Variants in NUB1 observed in about 807,000 individuals in gnomAD.
NUB1 encodes the protein negative regulator of ubiquitin like proteins 1.
A neutral mutation model predicts 77.1 loss-of-function variants in NUB1; 41 were observed. The observed-to-expected ratio is 0.53, with a 90% CI of 0.41 to 0.69. The LOEUF (loss-of-function observed/expected upper bound fraction) is 0.69, where lower values mean the gene tolerates loss of function less well. NUB1 is among the 30% of genes least tolerant of loss of function. The pLI is 0.00. For missense variants in NUB1, 643 were observed against 743.8 expected (o/e 0.86, Z 1.58); for synonymous variants, 257 against 281.0 (o/e 0.91, Z 0.85).
intron 7 of NUB1, among the ~76,000 whole-genome samples, chr7:151,358,431 C>T (rs970017245): frequency 6.6e-6 from 1 of 152,052 alleles, no homozygotes; most frequent in Non-Finnish European, 1.5e-5. Flanking sequence ...GGCCACATAG[C>T]AGGTGAGCAG....
chr7:151,349,427 G>A (rs1796682183), intron 3 of NUB1, among the ~76,000 whole-genome samples, 187 bp downstream of exon 3: 1 of 152,210 alleles, frequency 6.6e-6, no homozygotes, highest in Non-Finnish European at 1.5e-5. Flanking sequence ...CCCAAGGTAG[G>A]CTTTTAGAGA....
Position 151,375,831 on chromosome 7 carries a change from G to T in NUB1, c.1396-17G>T, listed in dbSNP as rs1798192177. The T allele has an allele frequency of 6.5e-7, 1 of 1,542,188 alleles. No homozygotes were observed. The highest frequency in any genetic ancestry group is 1.4e-5 in the African/African-American group (1 of 73,578). On this transcript the variant is annotated splice_polypyrimidine_tract_variant and intron_variant, in intron 12 of 14. Transcript: ENST00000568733. ...GAGTTCTTAGTGATGGGTAAAGGGT[G>T]TTCCTGTGTGTTTTAGATTCTGCTC... is the stretch of plus-strand genomic sequence containing the variant.
At chr7:151,353,700 G>A (rs1263948536) in intron 5 of NUB1, among the ~76,000 whole-genome samples, 1 of 152,184 alleles carries the variant, frequency 6.6e-6, no homozygotes, top group African/African-American at 2.4e-5. Flanking sequence ...TTTGAAGGTG[G>A]CATGAGTTGA....
intron 8 of NUB1, among the ~76,000 whole-genome samples, chr7:151,362,110 T>A (rs1226761123): frequency 6.6e-6 from 1 of 152,194 alleles, no homozygotes; most frequent in Admixed American, 6.5e-5. Context: ...CTTGAAATAA[T>A]TTTTAGGTCT....
chr7:151,376,961 GCA>G, intron 14 of NUB1, 84 bp from the exon 15 acceptor site: 1 of 1,406,736 alleles, frequency 7.1e-7, no homozygotes, highest in Non-Finnish European at 9.5e-7. Context: ...CCAGCAAGAG[GCA>G]CAGTCTGAGG....
Position 151,355,750 on chromosome 7 carries a change from C to A in NUB1, c.416-18C>A, listed in dbSNP as rs1466042776. The A allele has an allele frequency of 6.4e-7, 1 of 1,555,026 alleles. No homozygotes were observed. The highest frequency in any genetic ancestry group is 8.7e-7 in the Non-Finnish European group (1 of 1,151,062). Reference sequence around the variant, plus strand: ...CTTAATGGCTTTTTAAAATAATAGGCAGTTCTGATTTTTATAGGGAAAACC... The same window carrying A: ...CTTAATGGCTTTTTAAAATAATAGGAAGTTCTGATTTTTATAGGGAAAACC... On this transcript the variant is annotated intron_variant, in intron 5 of 14. Coordinates refer to ENST00000568733, the MANE Select transcript of NUB1 (RefSeq NM_001243351.2).
At chr7:151,358,195 A>G (rs1797178764) in intron 7 of NUB1, among the ~76,000 whole-genome samples, 1 of 148,362 alleles carries the variant, frequency 6.7e-6, no homozygotes, top group Admixed American at 6.7e-5. Flanking sequence ...GATGGTCTCA[A>G]TCTCTTGACC....
At chr7:151,350,940 C>T (rs1187163852) in intron 3 of NUB1, among the ~76,000 whole-genome samples, 6 of 152,212 alleles carry the variant, frequency 3.9e-5, no homozygotes, top group African/African-American at 7.2e-5. Flanking sequence ...AGTGCTGATG[C>T]GTCCACAACG....
intron 4 of NUB1, among the ~76,000 whole-genome samples, chr7:151,351,916 AACAC>A (rs1204427761): frequency 6.6e-6 from 1 of 151,014 alleles, no homozygotes; most frequent in African/African-American, 2.4e-5. Flanking sequence ...CCATCTGTAA[AACAC>A]ACACACACAC....
At chr7:151,349,862 T>C (rs976249699) in intron 3 of NUB1, among the ~76,000 whole-genome samples, 2 of 152,090 alleles carry the variant, frequency 1.3e-5, no homozygotes, top group Admixed American at 6.5e-5. Flanking sequence ...GACAAAGAGA[T>C]AGAAGAAAAG....
chr7:151,347,752 C>A (rs61638536), intron 2 of NUB1, among the ~76,000 whole-genome samples: 10,204 of 152,286 alleles, frequency 0.067, 479 homozygotes, highest in African/African-American at 0.12. Context: ...AGCCATCGCG[C>A]CCAATCTATA....
chr7:151,360,421 ACCTTTCCT>A, intron 8 of NUB1, 174 bp downstream of exon 8: 1 of 474,418 alleles, frequency 2.1e-6, no homozygotes, highest in East Asian at 3.0e-5. Flanking sequence ...TTTCTAATTG[ACCTTTCCT>A]CCCTGTAAAG....
At chr7:151,364,290 A>G (rs62490278) in intron 8 of NUB1, among the ~76,000 whole-genome samples, 116,030 of 147,802 alleles carry the variant, frequency 0.79, 45,755 homozygotes, top group East Asian at 0.99. Flanking sequence ...GCATGGTGGC[A>G]GGCGCCTGTA....
At chr7:151,342,039 G>T in intron 1 of NUB1, 193 bp downstream of exon 1, 1 of 1,088,820 alleles carries the variant, frequency 9.2e-7, no homozygotes, top group Non-Finnish European at 1.2e-6. Flanking sequence ...TTCGGGACGC[G>T]CTGGCCGTTC....
chr7:151,370,029 G>A (rs968155848), intron 11 of NUB1, among the ~76,000 whole-genome samples: 7 of 151,968 alleles, frequency 4.6e-5, no homozygotes, highest in Non-Finnish European at 7.4e-5. Context: ...TAGTCCAATC[G>A]TGGTCCTTTG....
At chr7:151,357,841 C>G (rs552970844) in intron 7 of NUB1, among the ~76,000 whole-genome samples, 1 of 151,062 alleles carries the variant, frequency 6.6e-6, no homozygotes, top group East Asian at 2.0e-4. Flanking sequence ...AACTCCTGAC[C>G]TCAGGTGATC....
In NUB1 at chr7:151,368,788, G is replaced by A; in HGVS notation, c.1149G>A (p.Leu383=). 1 of 1,614,018 alleles carries A rather than the reference G, an allele frequency of 6.2e-7. No homozygotes were observed. The highest frequency in any genetic ancestry group is 8.5e-7 in the Non-Finnish European group (1 of 1,179,870). ...LYIDPSKVDN[L]LQLGFTAQEA... ...TTGATCCATCAAAAGTGGACAATTT[G>A]TTGCAGTTGGGGTTTACTGCCCAGG... The change falls in exon 11 of 15, where the codon TTG becomes TTA. Residue 383 remains leucine, a synonymous_variant. Transcript: ENST00000568733.
At chr7:151,371,343 G>C (rs1261961258) in intron 11 of NUB1, among the ~76,000 whole-genome samples, 1 of 150,772 alleles carries the variant, frequency 6.6e-6, no homozygotes, top group Admixed American at 6.6e-5. Context: ...CTGAGGACCT[G>C]AGGTCTGTCT....
At chr7:151,363,453 T>TA (rs34455667) in intron 8 of NUB1, among the ~76,000 whole-genome samples, 22,065 of 140,504 alleles carry the variant, frequency 0.16, 2,450 homozygotes, top group African/African-American at 0.34. Flanking sequence ...GAGAAAAGGC[T>TA]AAAAAAAAAA....
Sources: gnomAD v4.1 joint callset for allele counts (sites outside exome capture counted in the v4.1 genomes callset) on GRCh38, gnomAD v4.1.1 for gene constraint, MANE v1.5 for transcripts, NCBI Gene and HGNC (gene_info 2026-07-23, HGNC 2026-07-21) for gene names.